The following ZNF3 variants were observed in gnomAD, a reference collection of about 807,000 sequenced individuals.
The protein encoded by ZNF3 is zinc finger protein 3.
ZNF3 carries 16 observed loss-of-function variants against 36.9 expected under a neutral mutation model. That is an observed-to-expected ratio of 0.43 (90% confidence interval 0.29 to 0.66). The LOEUF is 0.66. Ranked by LOEUF, ZNF3 falls within the 30% of genes least tolerant of loss-of-function variation. The pLI is 0.13. For missense variants in ZNF3, 462 were observed against 543.1 expected (o/e 0.85, Z 1.48); for synonymous variants, 201 against 201.9 (o/e 1.00, Z 0.04).
chr7:100,080,070 T>A (rs1263545204), intron 1 of ZNF3, among the ~76,000 whole-genome samples: 1 of 152,104 alleles, frequency 6.6e-6, no homozygotes, highest in African/African-American at 2.4e-5. Flanking sequence ...TATATGCTAA[T>A]AAATACCAAT....
Position 100,064,895 on chromosome 7 carries a change from AAC to A in ZNF3, c.287_288del (p.Cys96PhefsTer25). 6.5e-7 allele frequency: 1 copy of A among 1,545,512 alleles called. No homozygotes were observed. Among genetic ancestry groups the A allele is most frequent in the Non-Finnish European group, 8.9e-7 (1 of 1,121,338 alleles). On this transcript the variant is annotated frameshift_variant, in exon 6 of 6. Transcript: ENST00000413658. LOFTEE classifies it low-confidence loss of function (END_TRUNC). The stretch of plus-strand genomic sequence containing the variant: ...GCCAGCATTACCTTTTGCGTAGTTA[AAC>A]AGACGTGTATCCAGTCTAGTTAAGG...
At chr7:100,077,636 G>A (rs1360978048) in intron 2 of ZNF3, 2 of 284,556 alleles carry the variant, frequency 7.0e-6, no homozygotes, top group Non-Finnish European at 1.3e-5. Flanking sequence ...GCCCAGGCAG[G>A]TCTGGAACTC....
downstream of ZNF3, among the ~76,000 whole-genome samples, chr7:100,069,543 C>A: frequency 8.7e-6 from 1 of 114,622 alleles, no homozygotes; most frequent in African/African-American, 3.4e-5. Context: ...CAGTGCTAGA[C>A]TCTGTCTCAA....
chr7:100,064,311 A>G (rs1792515979), exon 6 of ZNF3: 4 of 1,613,746 alleles, frequency 2.5e-6, no homozygotes, highest in Non-Finnish European at 2.5e-6. Context: ...TCAGCGGGAA[A>G]GGCAGCCTCA....
exon 6 of ZNF3, chr7:100,064,221 G>A: frequency 6.2e-7 from 1 of 1,614,092 alleles, no homozygotes; most frequent in Non-Finnish European, 8.5e-7. Flanking sequence ...AAGCTTTTGG[G>A]CAGAGCTCAG....
Position 100,071,483 on chromosome 7 carries a change from T to C in ZNF3, c.1001A>G (p.His334Arg). 6.2e-7 allele frequency: 1 copy of C among 1,614,142 alleles called. No homozygotes were observed. Among genetic ancestry groups the C allele is most frequent in the Middle Eastern group, 1.6e-4 (1 of 6,062 alleles). Residue 334 changes from histidine to arginine, a missense_variant, in exon 6 of 6, where the codon CAC becomes CGC. By Grantham distance (29) the His-to-Arg change is conservative. Transcript: ENST00000299667. ...SSTLIHHQRI[H>R]TGEKPYECNE... ...ACATTCATAGGGTTTTTCTCCAGTGTGGATTCTCTGATGGTGAATAAGGGT... is the reference window on the plus strand; with the variant it reads ...ACATTCATAGGGTTTTTCTCCAGTGCGGATTCTCTGATGGTGAATAAGGGT...
At chr7:100,064,885 T>G (rs1430561849) in exon 6 of ZNF3, 1 of 1,602,574 alleles carries the variant, frequency 6.2e-7, no homozygotes, top group Admixed American at 1.7e-5. Context: ...CATTACCTTT[T>G]GCGTAGTTAA....
exon 6 of ZNF3, chr7:100,064,165 T>A: frequency 6.2e-7 from 1 of 1,613,624 alleles, no homozygotes; most frequent in Non-Finnish European, 8.5e-7. Context: ...CACCCTCCAC[T>A]ACAGAACACA....
In ZNF3 at chr7:100,071,011, C is replaced by T; in HGVS notation, c.*132G>A. 6.1e-6 allele frequency: 9 copies of T among 1,471,162 alleles called. No individual in the cohort carries two copies. The highest frequency in any genetic ancestry group is 8.1e-6 in the Non-Finnish European group (9 of 1,115,488). 91.1% of individuals were successfully genotyped at this position (1,471,162 alleles called of 1,614,324 possible). On this transcript the variant is annotated 3_prime_UTR_variant, in exon 6 of 6. Coordinates refer to ENST00000299667, the MANE Select transcript of ZNF3 (RefSeq NM_032924.5). Reference sequence around the variant, plus strand: ...ATTTCTGGGAAAATTCAACGATTTGCCCCATCTGCCCCATTCTCTAAAATG... The same window carrying T: ...ATTTCTGGGAAAATTCAACGATTTGTCCCATCTGCCCCATTCTCTAAAATG...
At chr7:100,082,029 C>A (rs1353769259), upstream of ZNF3, among the ~76,000 whole-genome samples, 6 of 152,074 alleles carry the variant, frequency 3.9e-5, no homozygotes, top group Admixed American at 3.9e-4. Context: ...TGGGGGCGGG[C>A]GGCGGGGGCG....
At chr7:100,082,368 G>A (rs1161661285), upstream of ZNF3, 1 of 152,288 alleles carries the variant, frequency 6.6e-6, no homozygotes, top group Non-Finnish European at 1.5e-5. Flanking sequence ...CGGATCACCT[G>A]AGGTCAGGAG....
At chr7:100,076,153 A>G (rs1794072738) in intron 3 of ZNF3, among the ~76,000 whole-genome samples, 1 of 149,924 alleles carries the variant, frequency 6.7e-6, no homozygotes, top group South Asian at 2.2e-4. Context: ...TTCTTAGACC[A>G]GAGAAAAACC....
Position 100,071,986 on chromosome 7 carries a change from G to T in ZNF3, c.498C>A (p.Pro166=). The T allele has an allele frequency of 6.2e-7, 1 of 1,614,054 alleles. No homozygotes were observed. The highest frequency in any genetic ancestry group is 8.5e-7 in the Non-Finnish European group (1 of 1,179,970). ...TATATTTCTCGCTTCTCTCTCCCCT[G>T]GGGGTTAGCTTCTCCTCAACTGTCA... ...GQVTVEEKLT[P]RGERSEKYND... is the part of the protein sequence containing the mutation. The change falls in exon 6 of 6, where the codon CCC becomes CCA. Residue 166 remains proline (P), a synonymous_variant. Coordinates refer to ENST00000299667, the MANE Select transcript of ZNF3 (RefSeq NM_032924.5).
In ZNF3 at chr7:100,071,247, G is replaced by A. The variant is rs1171947304; in HGVS notation, c.1237C>T (p.Arg413Cys). The change falls in exon 6 of 6, where the codon CGC becomes TGC. Residue 413 changes from arginine to cysteine, a missense_variant. Transcript: ENST00000299667. ...KAFRYSSALV[R>C]HQRIHTGEKP... ...TCTCCAGTGTGAATTCTCTGATGGC[G>A]AACAAGAGCCGAGCTGTACCTGAAG... 26 of 1,614,092 alleles carry A rather than the reference G, an allele frequency of 1.6e-5. No individual in the cohort carries two copies. The highest frequency in any genetic ancestry group is 6.7e-5 in the Admixed American group (4 of 59,996).
chr7:100,076,539 G>A (rs952558533), intron 3 of ZNF3, among the ~76,000 whole-genome samples: 4 of 152,014 alleles, frequency 2.6e-5, no homozygotes, highest in Non-Finnish European at 5.9e-5. Context: ...TGATCTGCCC[G>A]CCTCAGCCTC....
At chr7:100,064,726 C>T in exon 6 of ZNF3, 3 of 1,612,120 alleles carry the variant, frequency 1.9e-6, no homozygotes, top group Non-Finnish European at 2.5e-6. Flanking sequence ...GTTTGTATCA[C>T]TCAACATCAG....
At chr7:100,074,297 C>T (rs973356143) in intron 5 of ZNF3, among the ~76,000 whole-genome samples, 1 of 152,156 alleles carries the variant, frequency 6.6e-6, no homozygotes, top group Non-Finnish European at 1.5e-5. Context: ...TTTTTTGAGA[C>T]AGGGTCTGTG....
At chr7:100,079,373 A>G (rs929520366) in intron 2 of ZNF3, among the ~76,000 whole-genome samples, 163 bp downstream of exon 2, 1 of 152,224 alleles carries the variant, frequency 6.6e-6, no homozygotes, top group Non-Finnish European at 1.5e-5. Flanking sequence ...CCAGATCAGT[A>G]AACAGCGTTT....
downstream of ZNF3, among the ~76,000 whole-genome samples, chr7:100,065,756 G>T (rs1401000540): frequency 2.0e-5 from 3 of 151,160 alleles, no homozygotes; most frequent in Non-Finnish European, 4.4e-5. Context: ...AATGTGCTGG[G>T]CATCTGTCCC....
Sources: gnomAD v4.1 joint callset for allele counts (sites outside exome capture counted in the v4.1 genomes callset) on GRCh38, gnomAD v4.1.1 for gene constraint, MANE v1.5 for transcripts, NCBI Gene and HGNC (gene_info 2026-07-23, HGNC 2026-07-21) for gene names.